Variants in CTPS2 observed in about 807,000 individuals in gnomAD.
CTPS2 encodes CTP synthase II.
Under a neutral mutation model 46.8 loss-of-function variants are expected in CTPS2, and 19 were observed. The observed-to-expected ratio is 0.41, with a 90% confidence interval of 0.28 to 0.60. CTPS2 has a LOEUF of 0.60. Ranked by LOEUF, CTPS2 falls within the 20% of genes least tolerant of loss-of-function variation. CTPS2 has a pLI of 0.35. For missense variants in CTPS2, 286 were observed against 447.6 expected (o/e 0.64, Z 3.26); for synonymous variants, 151 against 165.2 (o/e 0.91, Z 0.66).
At chrX:16,651,369 C>G (rs1007869791) in intron 13 of CTPS2, among the ~76,000 whole-genome samples, 1 of 111,783 alleles carries the variant, frequency 8.9e-6, no homozygotes, top group East Asian at 2.8e-4. Context: ...CTCTGCAGGA[C>G]TAGCCATAAT....
At chrX:16,674,499 A>T (rs12013561) in intron 10 of CTPS2, among the ~76,000 whole-genome samples, 1,586 of 111,451 alleles carry the variant, frequency 0.014, 21 homozygotes, top group African/African-American at 0.049. Context: ...TAAAGCTGAA[A>T]GTTTGAGCAA....
chrX:16,593,264 C>A (rs1018286143), intron 17 of CTPS2, among the ~76,000 whole-genome samples: 5 of 110,016 alleles, frequency 4.5e-5, no homozygotes, highest in Non-Finnish European at 9.5e-5. Context: ...CCCAACTCTA[C>A]TAAAAATACA....
intron 14 of CTPS2, among the ~76,000 whole-genome samples, chrX:16,622,848 G>A (rs1433957530): frequency 3.6e-5 from 4 of 111,512 alleles, no homozygotes; most frequent in Admixed American, 9.6e-5. Context: ...ACTATTTAAC[G>A]GATGTGTGGC....
In CTPS2 at chrX:16,675,445, G is replaced by A. The variant is rs1286276486; in HGVS notation, c.1094+2917C>T. Among the ~76,000 whole-genome samples the A allele has an allele frequency of 1.2e-4, 13 of 111,817 alleles. No individual in the cohort carries two copies. The Admixed American group carries it at 1.2e-3, about 11-fold the overall frequency. On this transcript the variant is annotated intron_variant, in intron 10 of 18. Transcript: ENST00000359276. ...GGTATATTTGGTATAAAAATTATAC[G>A]AAAAGCACTGTCAAATATGAAATGG...
At chrX:16,693,789 C>T (rs1259176399) in intron 4 of CTPS2, among the ~76,000 whole-genome samples, 1 of 110,468 alleles carries the variant, frequency 9.1e-6, no homozygotes, top group Admixed American at 9.8e-5. Context: ...GACCCTTTCT[C>T]TGAAAAAATA....
chrX:16,597,895 G>A (rs2147164661), intron 17 of CTPS2, among the ~76,000 whole-genome samples: 1 of 108,190 alleles, frequency 9.2e-6, no homozygotes, highest in East Asian at 2.9e-4. Flanking sequence ...AGTTCTCCTT[G>A]AAGAGGTCCT....
Position 16,613,140 on chromosome X carries a change from C to T in CTPS2, c.1547-3455G>A, listed in dbSNP as rs142584594. Among the ~76,000 whole-genome samples the T allele has an allele frequency of 1.7e-3, 187 of 111,935 alleles. 2 individuals are homozygous for T. The East Asian group carries it at 0.04, about 24-fold the overall frequency. On this transcript the variant is annotated intron_variant, in intron 16 of 18. Coordinates refer to ENST00000359276, the MANE Select transcript of CTPS2 (RefSeq NM_175859.3). The stretch of plus-strand genomic sequence containing the variant: ...TGGAGAATAGTGATATGAGCTAAGA[C>T]GGAGAAAGAAGAGGGAGGTTAGAAG...
chrX:16,651,180 TGGTGGGAGG>T, intron 13 of CTPS2: 1 of 328,143 alleles, frequency 3.0e-6, no homozygotes, highest in Non-Finnish European at 5.9e-6. Flanking sequence ...ATGGGACTGA[TGGTGGGAGG>T]GGAGGGAGGG....
intron 7 of CTPS2, among the ~76,000 whole-genome samples, chrX:16,690,129 T>C (rs1359652783): frequency 9.5e-6 from 1 of 105,049 alleles, no homozygotes; most frequent in Non-Finnish European, 2.0e-5. Context: ...CCAGCACTTT[T>C]GGAGGCTGAG....
At chrX:16,662,756 G>T (rs1932999626) in intron 13 of CTPS2, among the ~76,000 whole-genome samples, 1 of 106,173 alleles carries the variant, frequency 9.4e-6, no homozygotes, top group African/African-American at 3.5e-5. Context: ...AGCTCTTAAG[G>T]CTATTTTTCT....
intron 1 of CTPS2, among the ~76,000 whole-genome samples, chrX:16,704,452 A>G (rs1924835798): frequency 8.9e-6 from 1 of 112,358 alleles, no homozygotes; most frequent in Admixed American, 9.5e-5. Flanking sequence ...CATTTTAGAA[A>G]AAGCAAAACT....
intron 1 of CTPS2, among the ~76,000 whole-genome samples, chrX:16,710,342 G>A: frequency 9.0e-6 from 1 of 111,680 alleles, no homozygotes; most frequent in Non-Finnish European, 1.9e-5. Context: ...CATTTCCCTT[G>A]CATCTTTAAG....
At chrX:16,638,567 T>C (rs1931880437) in intron 14 of CTPS2, 1 of 156,952 alleles carries the variant, frequency 6.4e-6, no homozygotes, top group Non-Finnish European at 1.2e-5. Context: ...TATAATATGC[T>C]AATTTATGAA....
intron 10 of CTPS2, among the ~76,000 whole-genome samples, chrX:16,674,115 A>ATTT (rs61591845): frequency 0.045 from 4,497 of 99,032 alleles, 107 homozygotes; most frequent in African/African-American, 0.058. Context: ...GAAAATGTGG[A>ATTT]TTTTTTTTTT....
chrX:16,687,352 G>A (rs964276357), intron 8 of CTPS2, among the ~76,000 whole-genome samples: 12 of 108,163 alleles, frequency 1.1e-4, no homozygotes, highest in Non-Finnish European at 1.9e-4. Flanking sequence ...TAGCGCACCT[G>A]TGGTCCCAGC....
intron 14 of CTPS2, among the ~76,000 whole-genome samples, chrX:16,621,584 T>C (rs1052936457): frequency 4.5e-5 from 5 of 109,992 alleles, no homozygotes; most frequent in African/African-American, 1.3e-4. Context: ...CCTACAGCAC[T>C]AGCCCTCAAA....
At chrX:16,689,075 G>A (rs1923481046) in intron 8 of CTPS2, among the ~76,000 whole-genome samples, 1 of 111,018 alleles carries the variant, frequency 9.0e-6, no homozygotes, top group South Asian at 3.8e-4. Flanking sequence ...CTCCCGCCTG[G>A]GTGACAGAGC....
At chrX:16,605,372 C>T (rs1345025983) in intron 17 of CTPS2, among the ~76,000 whole-genome samples, 2 of 111,689 alleles carry the variant, frequency 1.8e-5, no homozygotes, top group African/African-American at 3.3e-5. Context: ...CCAGACTCCA[C>T]TTATCTTTCC....
At chrX:16,597,794 A>G (rs1929372164) in intron 17 of CTPS2, among the ~76,000 whole-genome samples, 2 of 109,523 alleles carry the variant, frequency 1.8e-5, no homozygotes, top group Admixed American at 2.0e-4. Flanking sequence ...CAGTATGGCC[A>G]TTTTCACGAT....
Sources: gnomAD v4.1 joint callset for allele counts (sites outside exome capture counted in the v4.1 genomes callset) on GRCh38, gnomAD v4.1.1 for gene constraint, MANE v1.5 for transcripts, NCBI Gene and HGNC (gene_info 2026-07-23, HGNC 2026-07-21) for gene names.